Variants in ZFPM1 observed in about 807,000 individuals in gnomAD.
The protein encoded by ZFPM1 is zinc finger protein ZFPM1.
Under a neutral mutation model 46.3 loss-of-function variants are expected in ZFPM1, and 28 were observed. The ratio of observed to expected loss-of-function variants is 0.60; its 90% CI spans 0.45 to 0.83. ZFPM1 has a LOEUF of 0.83. ZFPM1 is among the 40% of genes least tolerant of loss of function. ZFPM1 has a pLI of 0.00. For synonymous variants in ZFPM1, 957 were observed against 675.9 expected, an observed-to-expected ratio of 1.42 and a Z score of -6.45; for missense variants, 1,878 against 1,432.4, an observed-to-expected ratio of 1.31 and a Z score of -5.02.
At chr16:88,494,033 GA>G (rs1909781851) in intron 3 of ZFPM1, among the ~76,000 whole-genome samples, 1 of 152,162 alleles carries the variant, frequency 6.6e-6, no homozygotes, top group Admixed American at 6.5e-5. Context: ...TGGACATAAG[GA>G]AAGCCACAGC....
chr16:88,465,900 C>G (rs78485112), intron 1 of ZFPM1, among the ~76,000 whole-genome samples: 1,530 of 152,260 alleles, frequency 0.01, 23 homozygotes, highest in African/African-American at 0.035. Context: ...GGTGAAGCAG[C>G]CATAGGGGTG....
intron 1 of ZFPM1, among the ~76,000 whole-genome samples, chr16:88,465,112 T>G (rs1215807060): frequency 1.6e-4 from 25 of 152,220 alleles, no homozygotes; most frequent in Non-Finnish European, 4.4e-5. Flanking sequence ...TTTTGGCCCC[T>G]GGGCCAGACC....
intron 3 of ZFPM1, among the ~76,000 whole-genome samples, chr16:88,509,937 C>T (rs564025430): frequency 1.3e-5 from 2 of 152,184 alleles, no homozygotes; most frequent in Admixed American, 6.5e-5. Context: ...TTGAGGGAGG[C>T]GACAGGGGCC....
rs1051599952 is a variant in ZFPM1, at chr16:88,501,094, A to C, written c.268+11941A>C. 2.4e-3 allele frequency among the ~76,000 whole-genome samples: 329 copies of C among 138,808 alleles called. 4 individuals are homozygous for C. The highest frequency in any genetic ancestry group is 0.01 in the African/African-American group (316 of 31,364). The allele number at this position is 138,808 out of a possible 152,430, so 91.1% of individuals were successfully genotyped here. A position where few individuals can be genotyped will look rare whatever the true frequency, so the allele number is the denominator to read the frequency against. On this transcript the variant is annotated intron_variant, in intron 3 of 9. Transcript: ENST00000319555. ...GTCATGGATGCGGGGGCCCTCCCGC[A>C]GGTGCTGGTGATGATGGAGATAGCA... is the stretch of plus-strand genomic sequence containing the variant.
At chr16:88,525,768 C>T (rs2142470510) in intron 4 of ZFPM1, among the ~76,000 whole-genome samples, 1 of 152,334 alleles carries the variant, frequency 6.6e-6, no homozygotes, top group South Asian at 2.1e-4. Context: ...CCATGGACTG[C>T]CCGCCCCACC....
intron 1 of ZFPM1, among the ~76,000 whole-genome samples, chr16:88,458,145 C>T (rs905386467): frequency 2.6e-5 from 4 of 152,202 alleles, no homozygotes; most frequent in East Asian, 1.9e-4. Context: ...GGAACCCAGG[C>T]GGCCGGGCCT....
intron 3 of ZFPM1, among the ~76,000 whole-genome samples, chr16:88,501,393 C>G (rs1217023015): frequency 8.5e-6 from 1 of 117,178 alleles, no homozygotes; most frequent in African/African-American, 3.4e-5. Flanking sequence ...GCGGGGCCCT[C>G]CCGCAGGTGC....
intron 1 of ZFPM1, among the ~76,000 whole-genome samples, chr16:88,465,861 C>T (rs1023578846): frequency 3.9e-5 from 6 of 152,304 alleles, no homozygotes; most frequent in Admixed American, 1.3e-4. Flanking sequence ...TAGAGCCCGG[C>T]GTGCGGCTAA....
rs374886014 is a variant in ZFPM1, at chr16:88,494,820, CAG to C, written c.268+5671_268+5672del. Among the ~76,000 whole-genome samples the C allele has an allele frequency of 4.7e-3, 720 of 152,242 alleles. 1 individual carries two copies. Among genetic ancestry groups the C allele is most frequent in the Non-Finnish European group, 7.8e-3 (532 of 68,002 alleles). Reference sequence around the variant, plus strand: ...CTGAGCGTGATCCCAGAAGTGGCCACAGAGAAGGGACCTCGGGTGGAGGCCAC... The same window carrying C: ...CTGAGCGTGATCCCAGAAGTGGCCACAGAAGGGACCTCGGGTGGAGGCCAC... On this transcript the variant is annotated intron_variant, in intron 3 of 9. Coordinates refer to ENST00000319555, the MANE Select transcript of ZFPM1 (RefSeq NM_153813.3).
intron 6 of ZFPM1, among the ~76,000 whole-genome samples, chr16:88,530,024 G>T (rs773354879): frequency 3.9e-5 from 6 of 152,174 alleles, no homozygotes; most frequent in Non-Finnish European, 8.8e-5. Flanking sequence ...CGGGCCGCAG[G>T]TGACTGAAAG....
At chr16:88,453,920 G>A (rs1213095379) in intron 1 of ZFPM1, among the ~76,000 whole-genome samples, 1 of 152,030 alleles carries the variant, frequency 6.6e-6, no homozygotes, top group African/African-American at 2.4e-5. Context: ...GAGGCCGGGA[G>A]GAGGGTGTTT....
chr16:88,532,107 C>G lies in ZFPM1; in HGVS notation c.818C>G (p.Pro273Arg). The G allele has an allele frequency of 1.9e-6, 3 of 1,612,372 alleles. No homozygotes were observed. Among genetic ancestry groups the G allele is most frequent in the South Asian group, 1.1e-5 (1 of 91,052 alleles). Residue 273 changes from proline to arginine, a missense_variant, in exon 7 of 10, where the codon CCG becomes CGG. Coordinates refer to ENST00000319555, the MANE Select transcript of ZFPM1 (RefSeq NM_153813.3). ...GCCAGCCGCCAGGGCACCGGCTCCC[C>G]GGCCGCAGCCGCCACAGACGAGAAG... ...YCASRQGTGSPAAAATDEKPK... is the reference protein window; with the variant it reads ...YCASRQGTGSRAAAATDEKPK...
intron 3 of ZFPM1, among the ~76,000 whole-genome samples, chr16:88,510,446 C>A (rs529559337): frequency 6.6e-6 from 1 of 152,360 alleles, no homozygotes; most frequent in East Asian, 1.9e-4. Context: ...CCCATGTGGA[C>A]CTTTCAATCA....
rs781413198 is a variant in ZFPM1, at chr16:88,533,807, G to A, written c.1849G>A (p.Ala617Thr). 6.8e-5 allele frequency: 75 copies of A among 1,105,090 alleles called. No individual in the cohort carries two copies. Among genetic ancestry groups the A allele is most frequent in the Non-Finnish European group, 8.4e-5 (75 of 894,900 alleles). The allele number at this position is 1,105,090 out of a possible 1,614,324, so 68.5% of individuals were successfully genotyped here. ...CGCGCCTGCCGCGCGCAGGCCCAAG[G>A]CGCCCCCCGGCCCGGCCCGCGCGCC... ...EDAPAARRPK[A>T]PPGPARAPPG... The change falls in exon 10 of 10, where the codon GCG becomes ACG. Residue 617 changes from alanine (A) to threonine (T), a missense_variant. Ala to Thr is a moderately conservative substitution (Grantham distance 58). Transcript: ENST00000319555.
At chr16:88,519,642 G>A in intron 4 of ZFPM1, among the ~76,000 whole-genome samples, 1 of 137,872 alleles carries the variant, frequency 7.3e-6, no homozygotes, top group African/African-American at 2.7e-5. Flanking sequence ...GTGGGTGAGT[G>A]GATGATGGAT....
At chr16:88,476,965 G>A (rs1369198764) in intron 1 of ZFPM1, among the ~76,000 whole-genome samples, 3 of 152,278 alleles carry the variant, frequency 2.0e-5, no homozygotes, top group African/African-American at 7.2e-5. Flanking sequence ...GACACACAGT[G>A]TGATAGCGAT....
At position 88,536,115 on chromosome 16, in the gene ZFPM1, C is replaced by T. The variant is rs1457654096; in HGVS notation, c.*1136C>T. On this transcript the variant is annotated 3_prime_UTR_variant, in exon 10 of 10. Coordinates refer to ENST00000319555, the MANE Select transcript of ZFPM1 (RefSeq NM_153813.3). ...GGGCTACAGGTGTACACCACCATGC[C>T]CAGCTAGTTTTTGTGTTTTTTGTAG... is the stretch of plus-strand genomic sequence containing the variant. 3 of 152,058 alleles carry T rather than the reference C, an allele frequency of 2.0e-5. No homozygotes were observed. Among genetic ancestry groups the T allele is most frequent in the African/African-American group, 7.3e-5 (3 of 41,366 alleles). The allele number at this position is 152,058 out of a possible 1,614,324, so 9.4% of individuals were successfully genotyped here. A position where few individuals can be genotyped will look rare whatever the true frequency, so the allele number is the denominator to read the frequency against.
rs766103700 is a variant in ZFPM1 at position 88,524,723 on chromosome 16, GAT to G, written c.403-2089_403-2088del. On this transcript the variant is annotated intron_variant, in intron 4 of 9. Transcript: ENST00000319555. ...ACCGGGAGGAAACTGAGTCAAAGGA[GAT>G]AGGACTGACCCCCCTGAGACTGCCC... 3.9e-5 allele frequency among the ~76,000 whole-genome samples: 6 copies of G among 152,238 alleles called. No homozygotes were observed. The South Asian group carries it at 1.0e-3, about 26-fold the overall frequency.
chr16:88,456,730 C>G (rs372214411), intron 1 of ZFPM1, among the ~76,000 whole-genome samples: 1 of 152,082 alleles, frequency 6.6e-6, no homozygotes, highest in African/African-American at 2.4e-5. Flanking sequence ...CGAGTGAGGT[C>G]GGGAGTGATG....
Sources: gnomAD v4.1 joint callset for allele counts (sites outside exome capture counted in the v4.1 genomes callset) on GRCh38, gnomAD v4.1.1 for gene constraint, MANE v1.5 for transcripts, NCBI Gene and HGNC (gene_info 2026-07-23, HGNC 2026-07-21) for gene names.